RIMKLB: variants seen among roughly 807,000 people sequenced by gnomAD.
The protein encoded by RIMKLB is beta-citrylglutamate synthase B.
A neutral mutation model predicts 32.0 loss-of-function variants in RIMKLB; 7 were observed. That is an observed-to-expected ratio of 0.22 (90% CI 0.12 to 0.41). The LOEUF is 0.41. RIMKLB is among the 10% of genes least tolerant of loss of function. RIMKLB has a pLI of 1.00. For synonymous variants in RIMKLB, 172 were observed against 185.1 expected, an observed-to-expected ratio of 0.93 and a Z score of 0.57; for missense variants, 289 against 498.7, an observed-to-expected ratio of 0.58 and a Z score of 4.00.
chr12:8,719,357 G>GT (rs774449084), intron 2 of RIMKLB, among the ~76,000 whole-genome samples: 2 of 152,030 alleles, frequency 1.3e-5, no homozygotes, highest in South Asian at 2.1e-4. Flanking sequence ...ATTAAGCTGG[G>GT]TTTTTTTGTT....
At chr12:8,697,660 C>A, upstream of RIMKLB, 2 of 275,826 alleles carry the variant, frequency 7.3e-6, no homozygotes, top group South Asian at 2.6e-5. Flanking sequence ...GAGGCGCGTC[C>A]TCGGAGCGCC....
chr12:8,734,127 C>T (rs778770243), intron 2 of RIMKLB, among the ~76,000 whole-genome samples: 12 of 152,062 alleles, frequency 7.9e-5, no homozygotes, highest in Non-Finnish European at 1.5e-4. Context: ...GGTGAAGTTT[C>T]GTGGAAAAGT....
rs1273285121 is a variant in RIMKLB, at chr12:8,698,284, G to GC, written c.-64dup. The GC allele has an allele frequency of 8.4e-6, 3 of 355,968 alleles. No homozygotes were observed. Among genetic ancestry groups the GC allele is most frequent in the Non-Finnish European group, 1.7e-5 (3 of 174,050 alleles). The allele number at this position is 355,968 out of a possible 1,614,324, so 22.1% of individuals were successfully genotyped here. A position where few individuals can be genotyped will look rare whatever the true frequency, so the allele number is the denominator to read the frequency against. ...TCAGTCGGCCGAGAGCGAGGGAGGAGCCCCCCGACCCAGGTGAGCGGTACG... is the reference window on the plus strand; with the variant it reads ...TCAGTCGGCCGAGAGCGAGGGAGGAGCCCCCCCGACCCAGGTGAGCGGTACG... On this transcript the variant is annotated 5_prime_UTR_variant, in exon 1 of 6. Transcript: ENST00000535829.
chr12:8,752,498 G>A (rs1948694663), intron 4 of RIMKLB, among the ~76,000 whole-genome samples: 1 of 150,936 alleles, frequency 6.6e-6, no homozygotes, highest in Admixed American at 6.6e-5. Flanking sequence ...GTTGCAGTGA[G>A]CCGAGATCAC....
In RIMKLB at chr12:8,774,930, A is replaced by G. The variant is rs1020258484; in HGVS notation, c.*1146A>G. The G allele has an allele frequency of 2.1e-5, 21 of 985,814 alleles. No homozygotes were observed. Among genetic ancestry groups the G allele is most frequent in the Admixed American group, 1.8e-4 (3 of 16,280 alleles). 61.1% of individuals were successfully genotyped at this position (985,814 alleles called of 1,614,324 possible). A position where few individuals can be genotyped will look rare whatever the true frequency, so the allele number is the denominator to read the frequency against. ...TGTGTTTTGCTTTTTGTTTCCATCA[A>G]CTAATCAAAAAGGATAATTTAGAAA... On this transcript the variant is annotated 3_prime_UTR_variant, in exon 6 of 6. Coordinates refer to ENST00000535829, the MANE Select transcript of RIMKLB (RefSeq NM_001297776.2).
chr12:8,768,782 T>A (rs911417023), intron 5 of RIMKLB, among the ~76,000 whole-genome samples: 1 of 152,242 alleles, frequency 6.6e-6, no homozygotes, highest in Non-Finnish European at 1.5e-5. Context: ...ATCATTTGCT[T>A]GGAAAATGAT....
At chr12:8,777,639 G>A, downstream of RIMKLB, 1 of 1,288,970 alleles carries the variant, frequency 7.8e-7, no homozygotes, top group Non-Finnish European at 1.0e-6. Context: ...AAAATACCCA[G>A]AGAAAAAACT....
At chr12:8,754,135 T>C in intron 5 of RIMKLB, 42 bp downstream of exon 5, 1 of 1,436,892 alleles carries the variant, frequency 7.0e-7, no homozygotes. Context: ...TAAAGTAACA[T>C]TTATAATTGT....
intron 2 of RIMKLB, among the ~76,000 whole-genome samples, chr12:8,729,530 C>T (rs1565586698): frequency 6.6e-6 from 1 of 151,858 alleles, no homozygotes; most frequent in Non-Finnish European, 1.5e-5. Flanking sequence ...TTTGTGGGCA[C>T]AAGATGGAGA....
chr12:8,688,957 C>T (rs1942658347), intron 1 of RIMKLB, among the ~76,000 whole-genome samples: 1 of 152,090 alleles, frequency 6.6e-6, no homozygotes, highest in Non-Finnish European at 1.5e-5. Context: ...GTCTCAGCCT[C>T]CCAAGTAGCT....
upstream of RIMKLB, among the ~76,000 whole-genome samples, chr12:8,695,701 T>TG (rs1259780756): frequency 1.3e-5 from 2 of 151,524 alleles, no homozygotes; most frequent in African/African-American, 2.4e-5. Context: ...CAACTTTTTT[T>TG]TTTTTTTTTT....
the RIMKLB span, among the ~76,000 whole-genome samples, chr12:8,676,066 G>A: frequency 6.6e-6 from 1 of 151,918 alleles, no homozygotes; most frequent in Non-Finnish European, 1.5e-5. Flanking sequence ...AAATGTTTTG[G>A]GGGGTTCCAA....
chr12:8,735,819 C>T (rs1036066775), intron 2 of RIMKLB, among the ~76,000 whole-genome samples: 2 of 152,198 alleles, frequency 1.3e-5, no homozygotes, highest in South Asian at 2.1e-4. Context: ...CAACCCCTGC[C>T]TCCCAGGTTC....
Position 8,726,210 on chromosome 12 carries a change from A to G in RIMKLB, c.175+12169A>G, listed in dbSNP as rs773321915. Among the ~76,000 whole-genome samples the G allele has an allele frequency of 2.6e-5, 4 of 152,206 alleles. No homozygotes were observed. The South Asian group carries it at 8.3e-4, about 32-fold the overall frequency. On this transcript the variant is annotated intron_variant, in intron 2 of 5. Coordinates refer to ENST00000535829, the MANE Select transcript of RIMKLB (RefSeq NM_001297776.2). ...GTTCCTGTTGTTGCACATCCTCTTCATTGTTTCGTGTTGTCAGCGTTCTGG... is the reference window on the plus strand; with the variant it reads ...GTTCCTGTTGTTGCACATCCTCTTCGTTGTTTCGTGTTGTCAGCGTTCTGG...
chr12:8,671,123 C>T, the RIMKLB span, among the ~76,000 whole-genome samples: 1 of 152,136 alleles, frequency 6.6e-6, no homozygotes, highest in Non-Finnish European at 1.5e-5. Flanking sequence ...GGAGGGGCTG[C>T]CATGAAGGTC....
At position 8,775,448 on chromosome 12, in the gene RIMKLB, T is replaced by C. The variant is rs1016209912; in HGVS notation, c.*1664T>C. On this transcript the variant is annotated 3_prime_UTR_variant, in exon 6 of 6. Transcript: ENST00000535829. ...AATGGAGATGCTGCAGAGCCCAACG[T>C]AATTTTTTAAACAGCAAGTTTTCCA... The C allele has an allele frequency of 1.0e-6, 1 of 985,578 alleles. No homozygotes were observed. Among genetic ancestry groups the C allele is most frequent in the Non-Finnish European group, 1.2e-6 (1 of 829,916 alleles). The allele number at this position is 985,578 out of a possible 1,614,324, so 61.1% of individuals were successfully genotyped here.
At chr12:8,676,540 G>T in the RIMKLB span, among the ~76,000 whole-genome samples, 1 of 150,628 alleles carries the variant, frequency 6.6e-6, no homozygotes, top group African/African-American at 2.4e-5. Flanking sequence ...CCAGGACTAC[G>T]GGTGTGCACC....
upstream of RIMKLB, among the ~76,000 whole-genome samples, chr12:8,693,550 C>T (rs746118871): frequency 1.3e-5 from 2 of 152,002 alleles, no homozygotes; most frequent in South Asian, 4.2e-4. Flanking sequence ...GTGCCCACCA[C>T]CACGCCCAGC....
intron 5 of RIMKLB, among the ~76,000 whole-genome samples, chr12:8,757,960 T>C (rs867094522): frequency 1.2e-3 from 177 of 152,232 alleles, no homozygotes; most frequent in African/African-American, 4.1e-3. Flanking sequence ...TTGTCTTTTT[T>C]TTTTTTTTCC....
Sources: gnomAD v4.1 joint callset for allele counts (sites outside exome capture counted in the v4.1 genomes callset) on GRCh38, gnomAD v4.1.1 for gene constraint, MANE v1.5 for transcripts, NCBI Gene and HGNC (gene_info 2026-07-23, HGNC 2026-07-21) for gene names.